SMARCE1: variants seen among roughly 807,000 people sequenced by gnomAD.
The protein encoded by SMARCE1 is SWI/SNF-related matrix-associated actin-dependent regulator of chromatin subfamily E member 1.
Under a neutral mutation model 54.9 loss-of-function variants are expected in SMARCE1, and 13 were observed. The observed-to-expected ratio is 0.24, with a 90% confidence interval of 0.15 to 0.38. The LOEUF (loss-of-function observed/expected upper bound fraction) is 0.38, where lower values mean the gene tolerates loss of function less well. SMARCE1 is among the 10% of genes least tolerant of loss of function. SMARCE1 has a pLI of 1.00. For missense variants in SMARCE1, 295 were observed against 523.8 expected, an observed-to-expected ratio of 0.56 and a Z score of 4.26; for synonymous variants, 151 against 175.3, an observed-to-expected ratio of 0.86 and a Z score of 1.10.
Position 40,625,702 on chromosome 17 carries a change from C to G in SMARCE1, c.*3083G>C, listed in dbSNP as rs1314214203. On this transcript the variant is annotated 3_prime_UTR_variant, in exon 11 of 11. Coordinates refer to ENST00000348513, the MANE Select transcript of SMARCE1 (RefSeq NM_003079.5). ...ATCAAAACCAAAAATCTGGAGGGAT[C>G]TAGTTAAACTTCAATATGCATGACC... is the stretch of plus-strand genomic sequence containing the variant. 1 of 152,156 alleles carries G rather than the reference C, an allele frequency of 6.6e-6. No homozygotes were observed. The highest frequency in any genetic ancestry group is 1.5e-5 in the Non-Finnish European group (1 of 68,020). The allele number at this position is 152,156 out of a possible 1,614,324, so 9.4% of individuals were successfully genotyped here.
In SMARCE1 at chr17:40,629,605, T is replaced by C. The variant is rs1037120166; in HGVS notation, c.1028-612A>G. 8.2e-6 allele frequency: 7 copies of C among 852,200 alleles called. No individual in the cohort carries two copies. The African/African-American group carries it at 1.1e-4, about 13-fold the overall frequency. 52.8% of individuals were successfully genotyped at this position (852,200 alleles called of 1,614,324 possible). ...TAAAAGCATGAGGTTTTAGCTCTAA[T>C]AGTCTCAAACGATTTTCTTCAGGTT... On this transcript the variant is annotated intron_variant, in intron 10 of 10. Coordinates refer to ENST00000348513, the MANE Select transcript of SMARCE1 (RefSeq NM_003079.5).
intron 9 of SMARCE1, 116 bp from the exon 10 acceptor site, chr17:40,631,040 C>T (rs910250402): frequency 2.8e-5 from 21 of 751,628 alleles, no homozygotes; most frequent in South Asian, 3.8e-5. Context: ...ATCTATACAC[C>T]TGTATGTGTG....
chr17:40,632,486 G>T, intron 7 of SMARCE1, 119 bp from the exon 8 acceptor site: 1 of 794,598 alleles, frequency 1.3e-6, no homozygotes, highest in Non-Finnish European at 2.0e-6. Context: ...AAGTGGACCT[G>T]CCCAGCGTCA....
chr17:40,633,002 G>A (rs1188907913), intron 7 of SMARCE1: 1 of 152,152 alleles, frequency 6.6e-6, no homozygotes, highest in African/African-American at 2.4e-5. Context: ...GTATGGGTCT[G>A]GTTTATATGC....
At chr17:40,646,197 C>T (rs2037254674) in intron 1 of SMARCE1, among the ~76,000 whole-genome samples, 1 of 152,152 alleles carries the variant, frequency 6.6e-6, no homozygotes, top group Admixed American at 6.5e-5. Flanking sequence ...TTATCAGGGT[C>T]CAACGCAACA....
rs555651762 is a variant in SMARCE1 at position 40,636,058 on chromosome 17, C to T, written c.414G>A (p.Ala138=). The stretch of plus-strand genomic sequence containing the variant: ...TTTTTGCATTTATGTAAGCAAGGTA[C>T]GCGGGGGAATTATGATAGGCCTTCA... The part of the protein sequence containing the change: ...ESMKAYHNSP[A]YLAYINAKSR... Residue 138 remains alanine (A), a synonymous_variant, in exon 7 of 11, where the codon GCG becomes GCA. Coordinates refer to ENST00000348513, the MANE Select transcript of SMARCE1 (RefSeq NM_003079.5). 20 of 1,612,766 alleles carry T rather than the reference C, an allele frequency of 1.2e-5. No homozygotes were observed. Among genetic ancestry groups the T allele is most frequent in the East Asian group, 2.2e-5 (1 of 44,848 alleles).
chr17:40,629,987 A>G (rs1432988979), intron 10 of SMARCE1: 5 of 393,348 alleles, frequency 1.3e-5, no homozygotes, highest in Non-Finnish European at 2.2e-5. Context: ...CTGAGTACCA[A>G]GTATGACTAC....
At chr17:40,643,176 A>G (rs2037216332) in intron 3 of SMARCE1, 1 of 152,266 alleles carries the variant, frequency 6.6e-6, no homozygotes, top group Admixed American at 6.5e-5. Context: ...TGTCACATAC[A>G]TGATTTAAAA....
intron 7 of SMARCE1, 31 bp downstream of exon 7, chr17:40,635,900 C>A (rs2143995832): frequency 1.3e-6 from 2 of 1,492,666 alleles, no homozygotes; most frequent in Admixed American, 2.2e-5. Flanking sequence ...ACAGAGAAAG[C>A]ATAAACAAAA....
At chr17:40,630,093 G>A (rs1226533906) in intron 10 of SMARCE1, 2 of 643,074 alleles carry the variant, frequency 3.1e-6, no homozygotes, top group Non-Finnish European at 5.5e-6. Context: ...AGTGTACTAG[G>A]CAGTGTTAAA....
In SMARCE1 at chr17:40,630,962, C is replaced by A. The variant is rs765498129; in HGVS notation, c.817-38G>T. The A allele has an allele frequency of 2.6e-6, 4 of 1,553,378 alleles. No individual in the cohort carries two copies. The Admixed American group carries it at 5.5e-5, about 21-fold the overall frequency. On this transcript the variant is annotated intron_variant, in intron 9 of 10. Transcript: ENST00000348513. ...AAACAGAACTCCGTAATGTTTTTTC[C>A]TTATAATTTTTGAGCCAGATATATT... is the stretch of plus-strand genomic sequence containing the variant.
chr17:40,647,316 G>T (rs2037267741), intron 1 of SMARCE1: 1 of 152,232 alleles, frequency 6.6e-6, no homozygotes, highest in South Asian at 2.1e-4. Flanking sequence ...CAACTTGTCT[G>T]AAGCCATATG....
At chr17:40,630,469 A>G in intron 10 of SMARCE1, 1 of 628,438 alleles carries the variant, frequency 1.6e-6, no homozygotes. Context: ...TACAGGTATT[A>G]CTTTGCAGAA....
intron 4 of SMARCE1, 172 bp from the exon 5 acceptor site, chr17:40,637,744 T>C (rs150201057): frequency 7.6e-5 from 45 of 595,656 alleles, no homozygotes; most frequent in African/African-American, 6.5e-4. Flanking sequence ...AAAATGACTT[T>C]AAGCACATAA....
chr17:40,641,241 G>A (rs775894188), intron 4 of SMARCE1: 4 of 152,108 alleles, frequency 2.6e-5, no homozygotes, highest in Non-Finnish European at 5.9e-5. Context: ...TTTAGGCCAG[G>A]GAAAAACATG....
At position 40,630,389 on chromosome 17, in the gene SMARCE1, GT is replaced by G. The variant is rs67015271; in HGVS notation, c.1027+324del. ...TTTATCCCCAAAGCAGCCACAGACA[GT>G]ATGTAAACAAACAAGTGTGGCTGTG... is the stretch of plus-strand genomic sequence containing the variant. On this transcript the variant is annotated intron_variant, in intron 10 of 10. Coordinates refer to ENST00000348513, the MANE Select transcript of SMARCE1 (RefSeq NM_003079.5). 21,557 of 669,932 alleles carry G rather than the reference GT, an allele frequency of 0.032. 3,417 individuals carry two copies. The African/African-American group carries it at 0.34, about 11-fold the overall frequency. 41.5% of individuals were successfully genotyped at this position (669,932 alleles called of 1,614,324 possible). A position where few individuals can be genotyped will look rare whatever the true frequency, so the allele number is the denominator to read the frequency against.
rs915901827 is a variant in SMARCE1, at chr17:40,642,498, T to C, written c.113A>G (p.Asn38Ser). Reference protein sequence around the residue: ...YNPYSHLAYNNYRLGGNPGTN... With the variant: ...YNPYSHLAYNSYRLGGNPGTN... ...GCCCGGGTTCCCTCCCAGCCTGTAG[T>C]TGTTGTAGGCGAGATGACTGTATGG... is the stretch of plus-strand genomic sequence containing the variant. The change falls in exon 4 of 11, where the codon AAC becomes AGC. Residue 38 changes from asparagine (N) to serine (S), a missense_variant. Physicochemically the swap from Asn to Ser is conservative, Grantham distance 46. This residue lies in a region of SMARCE1 where 30 missense variants were observed against 91.3 expected (regional missense o/e 0.33). Transcript: ENST00000348513. This position sits in a 1 kb window ranked among gnomAD's most constrained non-coding sequence, Gnocchi z 4.6. 1.9e-6 allele frequency: 3 copies of C among 1,612,728 alleles called. No homozygotes were observed. The highest frequency in any genetic ancestry group is 1.1e-5 in the South Asian group (1 of 91,012).
In SMARCE1 at chr17:40,626,152, A is replaced by G. The variant is rs2037032506; in HGVS notation, c.*2633T>C. On this transcript the variant is annotated 3_prime_UTR_variant, in exon 11 of 11. Transcript: ENST00000348513. ...TGAGGCAGGAGAATTGCTGAAACCC[A>G]GGAGCTGGATGTTGCAGTGAGCCGA... The G allele has an allele frequency of 6.6e-6, 1 of 152,078 alleles. No individual in the cohort carries two copies. The highest frequency in any genetic ancestry group is 2.1e-4 in the South Asian group (1 of 4,826). The allele number at this position is 152,078 out of a possible 1,614,324, so 9.4% of individuals were successfully genotyped here.
chr17:40,644,168 A>G (rs1486543484), intron 3 of SMARCE1: 1 of 152,232 alleles, frequency 6.6e-6, no homozygotes, highest in Non-Finnish European at 1.5e-5. Context: ...TATGCATAAT[A>G]AATTATAAGG....
Sources: allele counts gnomAD v4.1 joint callset (sites outside exome capture counted in the v4.1 genomes callset), GRCh38; gene constraint gnomAD v4.1.1; regional missense constraint gnomAD v4.1.1; non-coding constraint Gnocchi (gnomAD v3.1); transcripts MANE v1.5; gene names NCBI Gene and HGNC (gene_info 2026-07-23, HGNC 2026-07-21).